Variants in CPLANE1 observed in about 807,000 individuals in gnomAD.
The protein encoded by CPLANE1 is ciliogenesis and planar polarity effector 1.
In CPLANE1, 263 loss-of-function variants were observed where a neutral mutation model predicts 362.5. The observed-to-expected ratio is 0.73, with a 90% confidence interval of 0.66 to 0.80. The LOEUF is 0.80. Ranked by LOEUF, CPLANE1 falls within the 30% of genes least tolerant of loss-of-function variation. The probability of loss-of-function intolerance (pLI) is 0.00; values close to 1 mark genes in which losing one functional copy is unlikely to be tolerated. For missense variants in CPLANE1, 3,461 were observed against 3,793.4 expected, an observed-to-expected ratio of 0.91 and a Z score of 2.30; for synonymous variants, 1,212 against 1,302.6, an observed-to-expected ratio of 0.93 and a Z score of 1.50.
At chr5:37,232,269 A>T (rs1166275202) in intron 8 of CPLANE1, among the ~76,000 whole-genome samples, 1 of 151,996 alleles carries the variant, frequency 6.6e-6, no homozygotes, top group Admixed American at 6.6e-5. Context: ...CATAATCCCA[A>T]CACTTTGGGA....
chr5:37,179,587 A>G, intron 28 of CPLANE1, 144 bp from the exon 29 acceptor site: 1 of 620,078 alleles, frequency 1.6e-6, no homozygotes. Context: ...CTTTGAAAAC[A>G]CCTGGAGTCT....
rs779991759 is a variant in CPLANE1, at chr5:37,169,467, G to A, written c.6557C>T (p.Ser2186Leu). 7 of 1,614,058 alleles carry A rather than the reference G, an allele frequency of 4.3e-6. No individual in the cohort carries two copies. In the East Asian group the frequency reaches 6.7e-5, roughly 15 times the overall value. ...IPSSQNLPST[S>L]FYPAPAGNTH... ...ATTTCCAGCAGGAGCTGGATAAAAC[G>A]AAGTGGATGGTAAGTTTTGAGATGA... Residue 2186 changes from serine (S) to leucine (L), a missense_variant, in exon 34 of 53, where the codon TCG (serine) becomes TTG (leucine). This residue lies in a region of CPLANE1 where 3,380 missense variants were observed against 3,666.1 expected (regional missense o/e 0.92). Transcript: ENST00000651892.
rs1159543687 is a variant in CPLANE1 at position 37,169,577 on chromosome 5, G to T, written c.6463-16C>A. 5 of 1,556,848 alleles carry T rather than the reference G, an allele frequency of 3.2e-6. No homozygotes were observed. The highest frequency in any genetic ancestry group is 1.2e-5 in the South Asian group (1 of 81,474). On this transcript the variant is annotated splice_polypyrimidine_tract_variant and intron_variant, in intron 33 of 52. Coordinates refer to ENST00000651892, the MANE Select transcript of CPLANE1 (RefSeq NM_001384732.1). Reference sequence around the variant, plus strand: ...GTGGAACATTCTGGAAGAGAAAAAAGATATTATGTAAGTTTAGAATATATT... The same window carrying T: ...GTGGAACATTCTGGAAGAGAAAAAATATATTATGTAAGTTTAGAATATATT...
the CPLANE1 span, among the ~76,000 whole-genome samples, chr5:37,099,334 C>T: frequency 2.0e-5 from 3 of 152,268 alleles, no homozygotes; most frequent in Admixed American, 6.5e-5. Flanking sequence ...CACACCCCGC[C>T]GCAATGTGTC....
chr5:37,174,631 T>A (rs1780667469), intron 31 of CPLANE1, among the ~76,000 whole-genome samples: 1 of 151,846 alleles, frequency 6.6e-6, no homozygotes, highest in African/African-American at 2.4e-5. Flanking sequence ...ATACTCAAAG[T>A]TTTCTACATT....
At chr5:37,171,782 C>CTCTCTCTCTCTA (rs1441969980) in intron 32 of CPLANE1, among the ~76,000 whole-genome samples, 1 of 144,484 alleles carries the variant, frequency 6.9e-6, no homozygotes, top group African/African-American at 2.7e-5. Context: ...CTCTCTCTCT[C>CTCTCTCTCTCTA]TCTATCTATC....
At chr5:37,078,397 T>C in the CPLANE1 span, among the ~76,000 whole-genome samples, 1 of 152,202 alleles carries the variant, frequency 6.6e-6, no homozygotes, top group Non-Finnish European at 1.5e-5. Context: ...TATGGCTGCA[T>C]AGTATTTCAT....
intron 46 of CPLANE1, among the ~76,000 whole-genome samples, chr5:37,135,263 G>C (rs1013647461): frequency 2.0e-5 from 3 of 152,176 alleles, no homozygotes; most frequent in Non-Finnish European, 2.9e-5. Context: ...GTGTGGTTTT[G>C]AGAGGTCTTC....
chr5:37,120,202 G>T lies in CPLANE1; in HGVS notation c.9310+14C>A. The T allele has an allele frequency of 1.3e-6, 2 of 1,592,702 alleles. No homozygotes were observed. The highest frequency in any genetic ancestry group is 1.7e-6 in the Non-Finnish European group (2 of 1,174,640). On this transcript the variant is annotated intron_variant, in intron 50 of 52. Transcript: ENST00000651892. ...TCCAAATCAGACAATTTATAAAAAA[G>T]CTTTAAGTCTTACCATGTGGCCAAG...
the CPLANE1 span, chr5:37,085,573 A>T: frequency 2.4e-6 from 2 of 850,248 alleles, no homozygotes; most frequent in Admixed American, 1.7e-5. Flanking sequence ...GTTTTCATCA[A>T]GTTCAACACT....
At chr5:37,084,201 A>T in the CPLANE1 span, among the ~76,000 whole-genome samples, 2 of 152,220 alleles carry the variant, frequency 1.3e-5, no homozygotes, top group African/African-American at 4.8e-5. Context: ...TGAAGGAAAG[A>T]TAGTCTTTTC....
Position 37,168,916 on chromosome 5 carries a change from T to A in CPLANE1, c.7108A>T (p.Asn2370Tyr). The change falls in exon 34 of 53, where the codon AAT becomes TAT. Residue 2370 changes from asparagine to tyrosine, a missense_variant. Asn to Tyr is a moderately radical substitution (Grantham distance 143). Around this residue, in one of 2 missense-constraint regions of CPLANE1, gnomAD observed 3,380 missense variants for 3,666.1 expected, o/e 0.92. Transcript: ENST00000651892. The stretch of plus-strand genomic sequence containing the variant: ...GCTCTTGAGGTTGATGGAAACATAT[T>A]AGGAGGTTTAAGTGGCAGGTATAGT... Reference protein sequence around the residue: ...PLLYLPLKPPNMFPSTSRASI... With the variant: ...PLLYLPLKPPYMFPSTSRASI... The A allele has an allele frequency of 6.2e-7, 1 of 1,614,134 alleles. No individual in the cohort carries two copies. The highest frequency in any genetic ancestry group is 8.5e-7 in the Non-Finnish European group (1 of 1,180,020).
chr5:37,085,171 G>C, the CPLANE1 span: 1 of 800,612 alleles, frequency 1.2e-6, no homozygotes. Context: ...CACAAGTTGA[G>C]AGAGTGTCTC....
Position 37,226,629 on chromosome 5 carries a change from CTTGT to C in CPLANE1, c.1962_1965del (p.Gln655MetfsTer5). The C allele has an allele frequency of 6.4e-7, 1 of 1,551,434 alleles. No individual in the cohort carries two copies. The highest frequency in any genetic ancestry group is 8.7e-7 in the Non-Finnish European group (1 of 1,146,868). On this transcript the variant is annotated frameshift_variant, in exon 12 of 53. Coordinates refer to ENST00000651892, the MANE Select transcript of CPLANE1 (RefSeq NM_001384732.1). ...GTCAGCTTTATCAAATGCCCCACAT[CTTGT>C]TTGTATCTTATATCCCAATAATGGA...
chr5:37,092,072 C>G, the CPLANE1 span, among the ~76,000 whole-genome samples: 227 of 152,322 alleles, frequency 1.5e-3, no homozygotes, highest in Non-Finnish European at 2.6e-3. Context: ...CTTGCTTTGT[C>G]TGCAAACTGT....
chr5:37,130,861 C>T (rs906110463), intron 46 of CPLANE1, among the ~76,000 whole-genome samples: 8 of 152,280 alleles, frequency 5.3e-5, no homozygotes, highest in African/African-American at 1.4e-4. Flanking sequence ...ATCTTTCCTC[C>T]TATCTAGGAA....
chr5:37,138,496 G>A (rs1206814943), intron 46 of CPLANE1: 1 of 657,940 alleles, frequency 1.5e-6, no homozygotes, highest in South Asian at 1.4e-5. Flanking sequence ...AATGTATGTT[G>A]TACTTAGAGT....
Position 37,157,849 on chromosome 5 carries a change from T to G in CPLANE1, c.7832A>C (p.Asn2611Thr), listed in dbSNP as rs1346798981. ...VTNLVGHTYINVIDIEANDLL... is the reference protein window; with the variant it reads ...VTNLVGHTYITVIDIEANDLL... ...ATCATTAGCTTCAATGTCAATCACA[T>G]TTATATAAGTATGTCCAACCTGAGC... is the stretch of plus-strand genomic sequence containing the variant. Residue 2611 changes from asparagine to threonine, a missense_variant, in exon 40 of 53, where the codon AAT becomes ACT. Physicochemically the swap from Asn to Thr is moderately conservative, Grantham distance 65 (BLOSUM62 0). Transcript: ENST00000651892. 1.2e-6 allele frequency: 2 copies of G among 1,604,222 alleles called. No individual in the cohort carries two copies. The highest frequency in any genetic ancestry group is 1.1e-5 in the South Asian group (1 of 90,570).
At chr5:37,102,028 CA>C (rs1310278403), downstream of CPLANE1, among the ~76,000 whole-genome samples, 59 of 136,270 alleles carry the variant, frequency 4.3e-4, no homozygotes, top group East Asian at 9.1e-4. Flanking sequence ...TTAATTTTTT[CA>C]AAAAAAAAAA....
Sources: allele counts gnomAD v4.1 joint callset (sites outside exome capture counted in the v4.1 genomes callset), GRCh38; gene constraint gnomAD v4.1.1; regional missense constraint gnomAD v4.1.1; transcripts MANE v1.5; gene names NCBI Gene and HGNC (gene_info 2026-07-23, HGNC 2026-07-21).